USP34: variants seen among roughly 807,000 people sequenced by gnomAD.
The protein encoded by USP34 is ubiquitin specific peptidase 34.
Under a neutral mutation model 460.3 loss-of-function variants are expected in USP34, and 70 were observed. The ratio of observed to expected loss-of-function variants is 0.15; its 90% CI spans 0.13 to 0.19. The LOEUF is 0.19. Ranked by LOEUF, USP34 falls within the 10% of genes least tolerant of loss-of-function variation. The pLI, the probability that USP34 is intolerant of heterozygous loss-of-function variation, is 1.00. For missense variants in USP34, 3,985 were observed against 4,236.2 expected, an observed-to-expected ratio of 0.94 and a Z score of 1.65; for synonymous variants, 1,647 against 1,405.3, an observed-to-expected ratio of 1.17 and a Z score of -3.85.
chr2:61,299,054 GA>G (rs1393371273), intron 29 of USP34, among the ~76,000 whole-genome samples: 1 of 152,086 alleles, frequency 6.6e-6, no homozygotes, highest in African/African-American at 2.4e-5. Flanking sequence ...CACTAGGTGA[GA>G]AAACAGAGGT....
intron 5 of USP34, among the ~76,000 whole-genome samples, chr2:61,387,694 TAC>T (rs1026483926): frequency 2.2e-3 from 311 of 144,414 alleles, no homozygotes; most frequent in Non-Finnish European, 3.5e-3. Context: ...TTTTTACATA[TAC>T]ACACATGTAA....
chr2:61,281,342 C>T, intron 37 of USP34, 100 bp from the exon 38 acceptor site: 1 of 1,396,922 alleles, frequency 7.2e-7, no homozygotes, highest in Non-Finnish European at 9.6e-7. Flanking sequence ...CAATGTTCTG[C>T]CGGGCAAGCC....
At chr2:61,318,147 C>T (rs1690806714) in intron 22 of USP34, among the ~76,000 whole-genome samples, 1 of 141,410 alleles carries the variant, frequency 7.1e-6, no homozygotes, top group Non-Finnish European at 1.5e-5. Flanking sequence ...GAGACGTGAT[C>T]ACACTACTGC....
At chr2:61,324,555 T>G (rs1458867895) in intron 21 of USP34, among the ~76,000 whole-genome samples, 1 of 152,100 alleles carries the variant, frequency 6.6e-6, no homozygotes, top group Non-Finnish European at 1.5e-5. Flanking sequence ...GGAAGACTGT[T>G]TGGGCCCATG....
At chr2:61,408,295 C>T (rs1022057659) in intron 2 of USP34, among the ~76,000 whole-genome samples, 2 of 152,056 alleles carry the variant, frequency 1.3e-5, no homozygotes, top group African/African-American at 4.8e-5. Context: ...CTAAAGGACT[C>T]CCAAATTCCT....
chr2:61,430,482 G>C (rs1694638100), intron 1 of USP34, among the ~76,000 whole-genome samples: 1 of 152,182 alleles, frequency 6.6e-6, no homozygotes, highest in South Asian at 2.1e-4. Flanking sequence ...ATGCAGAGTT[G>C]GTGGTGGGGC....
chr2:61,316,589 A>G (rs997572379), intron 23 of USP34, among the ~76,000 whole-genome samples: 1 of 150,744 alleles, frequency 6.6e-6, no homozygotes, highest in Non-Finnish European at 1.5e-5. Context: ...CATCTCAAAA[A>G]AAATAATCAT....
intron 51 of USP34, among the ~76,000 whole-genome samples, 197 bp from the exon 52 acceptor site, chr2:61,242,016 T>A (rs897116605): frequency 1.3e-5 from 2 of 151,934 alleles, no homozygotes; most frequent in Non-Finnish European, 2.9e-5. Flanking sequence ...TTTTTTAGTT[T>A]TTATTATTTT....
chr2:61,406,646 CTCTT>C (rs1439421616), intron 2 of USP34, among the ~76,000 whole-genome samples: 1 of 151,210 alleles, frequency 6.6e-6, no homozygotes, highest in Non-Finnish European at 1.5e-5. Flanking sequence ...CACACACTCT[CTCTT>C]TCTCTCTCTC....
At chr2:61,381,218 TA>T (rs1193714013) in intron 6 of USP34, among the ~76,000 whole-genome samples, 2 of 112,906 alleles carry the variant, frequency 1.8e-5, no homozygotes, top group South Asian at 2.5e-4. Context: ...AAAAAAAAAA[TA>T]AATAAATAAA....
intron 1 of USP34, among the ~76,000 whole-genome samples, chr2:61,454,140 G>A (rs529243185): frequency 1.3e-5 from 2 of 152,146 alleles, no homozygotes; most frequent in African/African-American, 2.4e-5. Context: ...GAAAAGAGAG[G>A]GTTTGGGGTT....
chr2:61,230,511 G>T (rs914245042), intron 58 of USP34, among the ~76,000 whole-genome samples: 1 of 151,838 alleles, frequency 6.6e-6, no homozygotes, highest in African/African-American at 2.4e-5. Context: ...TTGACAGAGT[G>T]AGACTCCAAC....
chr2:61,339,738 A>G (rs976197261), intron 16 of USP34, 57 bp from the exon 17 acceptor site: 5 of 930,922 alleles, frequency 5.4e-6, no homozygotes, highest in African/African-American at 5.2e-5. Flanking sequence ...GACTGATTAT[A>G]GCATTCATAT....
chr2:61,399,274 C>A (rs892615120), intron 3 of USP34, among the ~76,000 whole-genome samples: 1 of 150,470 alleles, frequency 6.6e-6, no homozygotes, highest in Admixed American at 6.7e-5. Flanking sequence ...TCCCGGAAGG[C>A]GAAGGTTGCA....
chr2:61,297,084 G>C (rs192169523), intron 29 of USP34, among the ~76,000 whole-genome samples, 159 bp from the exon 30 acceptor site: 55 of 152,294 alleles, frequency 3.6e-4, no homozygotes, highest in African/African-American at 1.3e-3. Flanking sequence ...ATACATATTT[G>C]AGAAAATTAA....
chr2:61,387,549 T>A (rs577746502), intron 5 of USP34, among the ~76,000 whole-genome samples: 4 of 146,352 alleles, frequency 2.7e-5, no homozygotes, highest in East Asian at 4.3e-4. Context: ...ATATATAAAA[T>A]ATATATATTT....
chr2:61,385,213 A>C (rs2103874976), intron 5 of USP34, among the ~76,000 whole-genome samples: 1 of 152,340 alleles, frequency 6.6e-6, no homozygotes. Context: ...AAAGTTGGAA[A>C]ATAATCAATT....
intron 5 of USP34, 118 bp from the exon 6 acceptor site, chr2:61,383,454 C>T (rs1440227243): frequency 5.7e-5 from 36 of 636,794 alleles, no homozygotes; most frequent in Non-Finnish European, 3.1e-5. Flanking sequence ...CCTGTAATCC[C>T]AGCACTTTGG....
At chr2:61,207,765 A>C (rs748797248) in intron 70 of USP34, 2 of 151,812 alleles carry the variant, frequency 1.3e-5, no homozygotes, top group Non-Finnish European at 2.9e-5. Flanking sequence ...CTCTTCACCT[A>C]CCTTTTTTTT....
Sources: allele counts gnomAD v4.1 joint callset (sites outside exome capture counted in the v4.1 genomes callset), GRCh38; gene constraint gnomAD v4.1.1; transcripts MANE v1.5; gene names NCBI Gene and HGNC (gene_info 2026-07-23, HGNC 2026-07-21).